CYFIP1: variants seen among roughly 807,000 people sequenced by gnomAD.
CYFIP1 encodes cytoplasmic FMR1 interacting protein 1.
In CYFIP1, 58 loss-of-function variants were observed where a neutral mutation model predicts 163.5. The ratio of observed to expected loss-of-function variants is 0.35; its 90% CI spans 0.29 to 0.44. The LOEUF is 0.44. Ranked by LOEUF, CYFIP1 falls within the 20% of genes least tolerant of loss-of-function variation. The pLI is 1.00. For synonymous variants in CYFIP1, 663 were observed against 660.7 expected (o/e 1.00, Z -0.05); for missense variants, 1,338 against 1,653.8 (o/e 0.81, Z 3.31).
intron 21 of CYFIP1, among the ~76,000 whole-genome samples, chr15:22,906,459 ACTATT>A (rs1469738215): frequency 6.6e-4 from 76 of 115,454 alleles, no homozygotes; most frequent in African/African-American, 2.3e-3. Flanking sequence ...CACAGCAACT[ACTATT>A]TTTTTTTTTT....
At chr15:22,909,784 A>C (rs1053081917) in intron 20 of CYFIP1, among the ~76,000 whole-genome samples, 3 of 152,090 alleles carry the variant, frequency 2.0e-5, no homozygotes, top group Non-Finnish European at 2.9e-5. Context: ...TATGGGGTAC[A>C]TGAGATGTTT....
At chr15:22,881,704 C>A in intron 25 of CYFIP1, 142 bp downstream of exon 25, 1 of 762,478 alleles carries the variant, frequency 1.3e-6, no homozygotes, top group Non-Finnish European at 2.2e-6. Context: ...CCCAACACAC[C>A]TCTTCCTGGT....
chr15:22,921,764 CAAAAAAAAA>C (rs35027433), intron 13 of CYFIP1, among the ~76,000 whole-genome samples: 1 of 58,192 alleles, frequency 1.7e-5, no homozygotes, highest in Non-Finnish European at 3.4e-5. Context: ...GACTCTGTCT[CAAAAAAAAA>C]AAAAAAAAAA....
chr15:22,890,533 C>A (rs2060049314), intron 23 of CYFIP1, among the ~76,000 whole-genome samples: 1 of 152,210 alleles, frequency 6.6e-6, no homozygotes, highest in South Asian at 2.1e-4. Context: ...GGGTACCTGT[C>A]TGGATGCCCT....
intron 3 of CYFIP1, chr15:22,946,781 A>C (rs1421884521): frequency 5.9e-6 from 4 of 682,668 alleles, no homozygotes; most frequent in South Asian, 1.5e-5. Context: ...AAACGCTGAC[A>C]AAGGTTTTCT....
At position 22,881,949 on chromosome 15, in the gene CYFIP1, T is replaced by C; in HGVS notation, c.2821-13A>G. 1 of 1,609,192 alleles carries C rather than the reference T, an allele frequency of 6.2e-7. No individual in the cohort carries two copies. Among genetic ancestry groups the C allele is most frequent in the Non-Finnish European group, 8.5e-7 (1 of 1,178,614 alleles). On this transcript the variant is annotated splice_polypyrimidine_tract_variant and intron_variant, in intron 24 of 30. Transcript: ENST00000617928. ...TTGTGCCTTGCAGCTGCCGGGGAGA[T>C]GAGACGGGCTGCGTCAGCCACCCCA...
At chr15:22,890,296 G>A (rs1285867456) in intron 23 of CYFIP1, among the ~76,000 whole-genome samples, 1 of 149,504 alleles carries the variant, frequency 6.7e-6, no homozygotes, top group African/African-American at 2.5e-5. Context: ...AGGTGATAGA[G>A]GAGACTCCAT....
At chr15:22,929,499 G>C (rs1250622150) in intron 11 of CYFIP1, among the ~76,000 whole-genome samples, 1 of 151,378 alleles carries the variant, frequency 6.6e-6, no homozygotes, top group Non-Finnish European at 1.5e-5. Context: ...AAGCATGGTG[G>C]CGTGCGCCTG....
Position 22,882,891 on chromosome 15 carries a change from G to C in CYFIP1, c.2797C>G (p.Leu933Val). ...ACCAGGCTCTTGACGACCTTCAGCA[G>C]CTCCTCCATGACCACGGCGATACCC... The part of the protein sequence containing the change: ...YQGIAVVMEE[L>V]LKVVKSLLQG... The change falls in exon 24 of 31, where the codon CTG becomes GTG. Residue 933 changes from leucine to valine, a missense_variant. Around this residue, in one of 4 missense-constraint regions of CYFIP1, gnomAD observed 824 missense variants for 995.7 expected, o/e 0.83. Coordinates refer to ENST00000617928, the MANE Select transcript of CYFIP1 (RefSeq NM_014608.6). 1 of 1,613,712 alleles carries C rather than the reference G, an allele frequency of 6.2e-7. No homozygotes were observed. The highest frequency in any genetic ancestry group is 2.2e-5 in the East Asian group (1 of 44,860).
chr15:22,933,831 G>C lies in CYFIP1; in HGVS notation c.963C>G (p.Thr321=), dbSNP rs758785781. The C allele has an allele frequency of 1.7e-5, 28 of 1,613,146 alleles. No individual in the cohort carries two copies. In the African/African-American group the frequency reaches 3.3e-4, roughly 19 times the overall value. The change falls in exon 10 of 31, where the codon ACC becomes ACG. Residue 321 remains threonine, a synonymous_variant. Transcript: ENST00000617928. ...MQIELARYIK[T]SAHYEENKSR... Reference sequence around the variant, plus strand: ...ATTTATTTTCCTCGTAGTGGGCGCTGGTCTTGATATATCTTGCCAGTTCTA... The same window carrying C: ...ATTTATTTTCCTCGTAGTGGGCGCTCGTCTTGATATATCTTGCCAGTTCTA...
chr15:22,941,234 CTT>C (rs780809860), intron 6 of CYFIP1, among the ~76,000 whole-genome samples: 2 of 143,428 alleles, frequency 1.4e-5, no homozygotes, highest in Non-Finnish European at 3.1e-5. Flanking sequence ...TTTTTTTGCT[CTT>C]GTTTTTTTAG....
intron 16 of CYFIP1, among the ~76,000 whole-genome samples, chr15:22,916,034 G>A (rs1262412239): frequency 6.6e-6 from 1 of 152,154 alleles, no homozygotes; most frequent in Non-Finnish European, 1.5e-5. Context: ...CAGACACACG[G>A]AGGGCAGAGA....
At chr15:22,973,174 C>T (rs2063155055) in intron 1 of CYFIP1, among the ~76,000 whole-genome samples, 1 of 152,002 alleles carries the variant, frequency 6.6e-6, no homozygotes, top group Admixed American at 6.6e-5. Context: ...TTTAGCCAGG[C>T]ATGATGGTGC....
At chr15:22,954,267 C>T (rs2062364854) in intron 1 of CYFIP1, among the ~76,000 whole-genome samples, 1 of 152,136 alleles carries the variant, frequency 6.6e-6, no homozygotes, top group Non-Finnish European at 1.5e-5. Context: ...TGATCTCAGA[C>T]TCCCAGCTCC....
chr15:22,879,802 GCTGTT>G, intron 26 of CYFIP1, 106 bp downstream of exon 26: 1 of 739,602 alleles, frequency 1.4e-6, no homozygotes, highest in Non-Finnish European at 2.2e-6. Context: ...ATGATGCACA[GCTGTT>G]GCCACACCCC....
chr15:22,882,878 A>G lies in CYFIP1; in HGVS notation c.2810T>C (p.Val937Ala), dbSNP rs201269911. The change falls in exon 24 of 31, where the codon GTC becomes GCC. Residue 937 changes from valine to alanine, a missense_variant. By Grantham distance (64) the Val-to-Ala change is moderately conservative. Coordinates refer to ENST00000617928, the MANE Select transcript of CYFIP1 (RefSeq NM_014608.6). ...AVVMEELLKV[V>A]KSLLQGTILQ... The stretch of plus-strand genomic sequence containing the variant: ...CCAGGGAACACTCACCAGGCTCTTG[A>G]CGACCTTCAGCAGCTCCTCCATGAC... 3.9e-5 allele frequency: 63 copies of G among 1,613,296 alleles called. No homozygotes were observed. The highest frequency in any genetic ancestry group is 1.2e-4 in the Admixed American group (7 of 59,974).
At chr15:22,885,332 T>TAAAAGTGA (rs1181663288) in intron 23 of CYFIP1, among the ~76,000 whole-genome samples, 1 of 152,146 alleles carries the variant, frequency 6.6e-6, no homozygotes, top group African/African-American at 2.4e-5. Context: ...TAAAGTGTAG[T>TAAAAGTGA]AAAAGTGACC....
At chr15:22,914,216 A>G (rs1291295587) in intron 17 of CYFIP1, among the ~76,000 whole-genome samples, 1 of 151,910 alleles carries the variant, frequency 6.6e-6, no homozygotes, top group Non-Finnish European at 1.5e-5. Context: ...TGGCCACCTC[A>G]CAGGGCCTGC....
intron 9 of CYFIP1, among the ~76,000 whole-genome samples, chr15:22,936,754 T>C (rs1198095970): frequency 6.6e-6 from 1 of 152,094 alleles, no homozygotes; most frequent in East Asian, 1.9e-4. Flanking sequence ...TAAGTTACGG[T>C]GTAGTCATCA....
Sources: allele counts gnomAD v4.1 joint callset (sites outside exome capture counted in the v4.1 genomes callset), GRCh38; gene constraint gnomAD v4.1.1; regional missense constraint gnomAD v4.1.1; transcripts MANE v1.5; gene names NCBI Gene and HGNC (gene_info 2026-07-23, HGNC 2026-07-21).